The following RUVBL1 variants were observed in gnomAD, a reference collection of about 807,000 sequenced individuals.
RUVBL1 encodes the protein RuvB like AAA ATPase 1.
A neutral mutation model predicts 52.4 loss-of-function variants in RUVBL1; 4 were observed. The observed-to-expected ratio is 0.08, with a 90% confidence interval of 0.04 to 0.17. The LOEUF is 0.17. RUVBL1 is among the 10% of genes least tolerant of loss of function. RUVBL1 has a pLI of 1.00. For synonymous variants in RUVBL1, 217 were observed against 214.4 expected, an observed-to-expected ratio of 1.01 and a Z score of -0.10; for missense variants, 298 against 572.8, an observed-to-expected ratio of 0.52 and a Z score of 4.90.
intron 7 of RUVBL1, 87 bp from the exon 8 acceptor site, chr3:128,097,585 A>C: frequency 8.2e-7 from 1 of 1,222,372 alleles, no homozygotes; most frequent in Non-Finnish European, 1.2e-6. Context: ...TTCAATCCAA[A>C]CCCATGCTAG....
intron 1 of RUVBL1, among the ~76,000 whole-genome samples, chr3:128,140,299 G>C (rs200260716): frequency 1.3e-5 from 1 of 74,572 alleles, no homozygotes; most frequent in Non-Finnish European, 2.8e-5. Flanking sequence ...CGTGATCTGG[G>C]CTCATCCTTG....
chr3:128,087,874 C>A, intron 8 of RUVBL1, 66 bp from the exon 9 acceptor site: 1 of 1,129,458 alleles, frequency 8.9e-7, no homozygotes, highest in South Asian at 1.3e-5. Flanking sequence ...ACTGGAAATA[C>A]AGATCCAACA....
At chr3:128,123,058 A>C (rs1441784129) in intron 1 of RUVBL1, among the ~76,000 whole-genome samples, 2 of 152,138 alleles carry the variant, frequency 1.3e-5, no homozygotes, top group African/African-American at 4.8e-5. Flanking sequence ...GGGAACCAAA[A>C]TGAGCTTTTA....
rs1481982276 is a variant in RUVBL1, at chr3:128,080,990, CTT to C, written c.*258_*259del. On this transcript the variant is annotated 3_prime_UTR_variant, in exon 11 of 11. Transcript: ENST00000322623. The stretch of plus-strand genomic sequence containing the variant: ...TTCTGAAAAGTTTATTTTTAAAAAA[CTT>C]AGAGAGAGAGAGAGAGAGAATCAAA... 5 of 398,262 alleles carry C rather than the reference CTT, an allele frequency of 1.3e-5. No individual in the cohort carries two copies. Among genetic ancestry groups the C allele is most frequent in the Non-Finnish European group, 2.2e-5 (5 of 223,666 alleles). The allele number at this position is 398,262 out of a possible 1,614,324, so 24.7% of individuals were successfully genotyped here. A position where few individuals can be genotyped will look rare whatever the true frequency, so the allele number is the denominator to read the frequency against.
intron 1 of RUVBL1, among the ~76,000 whole-genome samples, chr3:128,132,094 G>A (rs1943885520): frequency 6.6e-6 from 1 of 152,206 alleles, no homozygotes; most frequent in Non-Finnish European, 1.5e-5. Flanking sequence ...ACTTGGCAGA[G>A]AGATTATGGG....
chr3:128,127,436 C>T (rs1943809371), upstream of RUVBL1, among the ~76,000 whole-genome samples: 1 of 152,214 alleles, frequency 6.6e-6, no homozygotes, highest in African/African-American at 2.4e-5. Flanking sequence ...TTTGCTCTTT[C>T]ACCTCCAGGC....
At chr3:128,153,904 T>C (rs1186061679) in exon 1 of RUVBL1, 2 of 1,418,176 alleles carry the variant, frequency 1.4e-6, no homozygotes, top group Non-Finnish European at 1.8e-6. Flanking sequence ...CGCTCGAGCC[T>C]TTGCCGGGAC....
chr3:128,150,630 A>G (rs1559841128), intron 1 of RUVBL1, among the ~76,000 whole-genome samples: 1 of 108,322 alleles, frequency 9.2e-6, no homozygotes, highest in Non-Finnish European at 1.9e-5. Context: ...TATTCTATGT[A>G]TATATTCTAT....
chr3:128,146,609 G>A (rs552743897), intron 1 of RUVBL1, among the ~76,000 whole-genome samples: 23 of 148,340 alleles, frequency 1.6e-4, no homozygotes, highest in South Asian at 6.5e-4. Context: ...TTTGCCTGCC[G>A]CTGTGTGCAC....
exon 10 of RUVBL1, chr3:128,065,123 GT>G (rs1367675957): frequency 5.2e-6 from 7 of 1,357,004 alleles, no homozygotes; most frequent in Non-Finnish European, 7.4e-6. Context: ...ACTCTGTGGG[GT>G]GCACTGTCAT....
At chr3:128,078,453 T>C (rs559945905), downstream of RUVBL1, among the ~76,000 whole-genome samples, 5 of 152,264 alleles carry the variant, frequency 3.3e-5, no homozygotes, top group East Asian at 9.7e-4. Context: ...CAAGTATCTC[T>C]GGGGCCATTA....
intron 1 of RUVBL1, among the ~76,000 whole-genome samples, chr3:128,150,864 TTA>T (rs369748425): frequency 0.14 from 10,136 of 73,056 alleles, 1,333 homozygotes; most frequent in South Asian, 0.18. Flanking sequence ...ATATTATATA[TTA>T]TATATATATA....
At chr3:128,146,828 T>C (rs1238216240) in intron 1 of RUVBL1, among the ~76,000 whole-genome samples, 1 of 151,756 alleles carries the variant, frequency 6.6e-6, no homozygotes, top group Admixed American at 6.6e-5. Flanking sequence ...CATCTGTGTG[T>C]GTGCGCACTT....
At chr3:128,070,554 C>T (rs1481440162) in intron 9 of RUVBL1, 2 of 152,274 alleles carry the variant, frequency 1.3e-5, no homozygotes, top group Non-Finnish European at 2.9e-5. Flanking sequence ...ACTTAGTGCT[C>T]ACAAGCCCCT....
chr3:128,131,521 C>A (rs34862979), intron 1 of RUVBL1, among the ~76,000 whole-genome samples: 3 of 133,794 alleles, frequency 2.2e-5, no homozygotes, highest in Non-Finnish European at 3.2e-5. Context: ...TAAAACAAAC[C>A]AACAACAACA....
At chr3:128,140,224 G>GTTTTTTTTTT (rs1246378506) in intron 1 of RUVBL1, among the ~76,000 whole-genome samples, 1 of 13,782 alleles carries the variant, frequency 7.3e-5, no homozygotes, top group East Asian at 2.0e-3. Context: ...AAGTTTTTTT[G>GTTTTTTTTTT]TTTGTTTGTT....
At chr3:128,119,895 T>C (rs1020891306) in intron 1 of RUVBL1, among the ~76,000 whole-genome samples, 19 of 152,178 alleles carry the variant, frequency 1.2e-4, no homozygotes, top group African/African-American at 4.6e-4. Context: ...AAGATGAGGT[T>C]GAAGAGGTAG....
At chr3:128,129,841 GGTTGCCA>G (rs1056563454) in intron 1 of RUVBL1, among the ~76,000 whole-genome samples, 1 of 152,186 alleles carries the variant, frequency 6.6e-6, no homozygotes, top group Non-Finnish European at 1.5e-5. Context: ...GTACAATGGT[GGTTGCCA>G]GGGGCTGGGG....
rs1942986398 is a variant in RUVBL1, at chr3:128,096,814, G to GCA, written c.1016+485_1016+486insTG. ...TGCACTCCAGCCTGGGCGACACAGTGAGACTCTGTCCCCAAAAAAAAAAAG... is the reference window on the plus strand; with the variant it reads ...TGCACTCCAGCCTGGGCGACACAGTGCAAGACTCTGTCCCCAAAAAAAAAAAG... On this transcript the variant is annotated intron_variant, in intron 8 of 10. Transcript: ENST00000322623. 1.3e-5 allele frequency among the ~76,000 whole-genome samples: 2 copies of GCA among 151,630 alleles called. 1 individual carries two copies. Among genetic ancestry groups the GCA allele is most frequent in the South Asian group, 4.2e-4 (2 of 4,808 alleles).
Sources: allele counts gnomAD v4.1 joint callset (sites outside exome capture counted in the v4.1 genomes callset), GRCh38; gene constraint gnomAD v4.1.1; transcripts MANE v1.5; gene names NCBI Gene and HGNC (gene_info 2026-07-23, HGNC 2026-07-21).